Variants in PARD3 observed in about 807,000 individuals in gnomAD.
PARD3 encodes par-3 family cell polarity regulator, also known as partitioning defective 3 homolog.
A neutral mutation model predicts 155.4 loss-of-function variants in PARD3; 75 were observed. The observed-to-expected ratio is 0.48, with a 90% CI of 0.40 to 0.58. The LOEUF (loss-of-function observed/expected upper bound fraction) is 0.58, where lower values mean the gene tolerates loss of function less well. PARD3 is among the 20% of genes least tolerant of loss of function. The probability of loss-of-function intolerance (pLI) is 0.00; values close to 1 mark genes in which losing one functional copy is unlikely to be tolerated. For missense variants in PARD3, 1,642 were observed against 1,721.7 expected (o/e 0.95, Z 0.82); for synonymous variants, 576 against 610.5 (o/e 0.94, Z 0.83).
At chr10:34,203,555 C>A (rs915966184) in intron 22 of PARD3, among the ~76,000 whole-genome samples, 1 of 152,224 alleles carries the variant, frequency 6.6e-6, no homozygotes, top group African/African-American at 2.4e-5. Context: ...TACTTTAAAT[C>A]ATCTCTAGAT....
intron 2 of PARD3, among the ~76,000 whole-genome samples, chr10:34,577,753 G>A (rs1300313218): frequency 6.6e-6 from 1 of 152,120 alleles, no homozygotes; most frequent in Non-Finnish European, 1.5e-5. Flanking sequence ...CACACACGTG[G>A]GTACATAGAT....
intron 7 of PARD3, among the ~76,000 whole-genome samples, chr10:34,387,622 GC>G (rs1382811724): frequency 6.6e-6 from 1 of 152,062 alleles, no homozygotes; most frequent in Non-Finnish European, 1.5e-5. Flanking sequence ...TTACTATGTT[GC>G]CCAGGCTGGT....
chr10:34,234,188 C>T (rs1385811270), intron 22 of PARD3, among the ~76,000 whole-genome samples: 1 of 152,130 alleles, frequency 6.6e-6, no homozygotes, highest in Non-Finnish European at 1.5e-5. Flanking sequence ...GATATAACTA[C>T]TGATACATAA....
intron 1 of PARD3, among the ~76,000 whole-genome samples, chr10:34,812,500 C>T (rs1367530858): frequency 6.6e-6 from 1 of 152,150 alleles, no homozygotes; most frequent in Admixed American, 6.5e-5. Flanking sequence ...TTCCTCATCA[C>T]TTAATATAGA....
chr10:34,785,537 A>G (rs998275178), intron 1 of PARD3, among the ~76,000 whole-genome samples: 1 of 152,016 alleles, frequency 6.6e-6, no homozygotes, highest in African/African-American at 2.4e-5. Flanking sequence ...CTTGAGCCCA[A>G]GAGTTAGAGA....
chr10:34,582,417 A>T (rs983470509), intron 2 of PARD3, among the ~76,000 whole-genome samples: 4 of 152,244 alleles, frequency 2.6e-5, no homozygotes, highest in Non-Finnish European at 5.9e-5. Context: ...ACAGAAACCC[A>T]GTGTTAGGAT....
intron 22 of PARD3, among the ~76,000 whole-genome samples, chr10:34,204,659 T>A (rs1028164524): frequency 6.6e-6 from 1 of 152,190 alleles, no homozygotes; most frequent in Non-Finnish European, 1.5e-5. Context: ...TTCAGATGCA[T>A]CTGCCATACA....
intron 3 of PARD3, among the ~76,000 whole-genome samples, chr10:34,490,799 A>G (rs1217118126): frequency 6.6e-6 from 1 of 152,140 alleles, no homozygotes; most frequent in Non-Finnish European, 1.5e-5. Flanking sequence ...ATACTCTTTG[A>G]GTTATATATG....
At chr10:34,516,084 C>T (rs1020938564) in intron 3 of PARD3, among the ~76,000 whole-genome samples, 2 of 152,104 alleles carry the variant, frequency 1.3e-5, no homozygotes, top group Non-Finnish European at 1.5e-5. Flanking sequence ...CCTGTTTCAG[C>T]CTCCCAAGTA....
At chr10:34,310,118 G>A (rs146834268) in intron 20 of PARD3, among the ~76,000 whole-genome samples, 1 of 152,228 alleles carries the variant, frequency 6.6e-6, no homozygotes, top group Non-Finnish European at 1.5e-5. Flanking sequence ...ATACTAATTT[G>A]TGGCTTGATA....
chr10:34,673,070 C>A (rs1302503714), intron 2 of PARD3, among the ~76,000 whole-genome samples: 1 of 152,100 alleles, frequency 6.6e-6, no homozygotes, highest in Non-Finnish European at 1.5e-5. Context: ...ATTCTTAAAT[C>A]CAACCTTATC....
intron 1 of PARD3, among the ~76,000 whole-genome samples, chr10:34,749,463 A>G (rs1294849842): frequency 6.6e-6 from 1 of 151,602 alleles, no homozygotes; most frequent in African/African-American, 2.4e-5. Flanking sequence ...TGAAGGTTAT[A>G]AAAAATATAT....
At chr10:34,515,186 T>G (rs1328765656) in intron 3 of PARD3, among the ~76,000 whole-genome samples, 3 of 152,214 alleles carry the variant, frequency 2.0e-5, no homozygotes. Context: ...GTGTACCACC[T>G]GCACATCATT....
intron 1 of PARD3, among the ~76,000 whole-genome samples, chr10:34,790,364 A>G (rs1841485428): frequency 6.6e-6 from 1 of 152,232 alleles, no homozygotes; most frequent in Non-Finnish European, 1.5e-5. Context: ...AGGAAAAAAT[A>G]TGCTAAAATT....
intron 9 of PARD3, among the ~76,000 whole-genome samples, chr10:34,381,867 T>G (rs968075070): frequency 4.7e-5 from 6 of 128,416 alleles, no homozygotes; most frequent in African/African-American, 1.8e-4. Flanking sequence ...GAGCTATGAC[T>G]GCACCACTGC....
At chr10:34,384,031 C>A in intron 8 of PARD3, 98 bp downstream of exon 8, 3 of 1,226,870 alleles carry the variant, frequency 2.4e-6, no homozygotes, top group South Asian at 1.4e-5. Context: ...CTCCAGTATA[C>A]AGACTGAGAT....
intron 14 of PARD3, among the ~76,000 whole-genome samples, chr10:34,352,978 G>A (rs1564618905): frequency 7.7e-6 from 1 of 129,138 alleles, no homozygotes; most frequent in Non-Finnish European, 1.9e-5. Context: ...GATGTGAGGA[G>A]TGTCTCTGCC....
At chr10:34,412,699 A>G (rs926644250) in intron 5 of PARD3, among the ~76,000 whole-genome samples, 1 of 152,194 alleles carries the variant, frequency 6.6e-6, no homozygotes, top group African/African-American at 2.4e-5. Flanking sequence ...TTATGTTAGT[A>G]CTTTTGATTT....
intron 1 of PARD3, among the ~76,000 whole-genome samples, chr10:34,716,171 C>T (rs560582658): frequency 3.3e-5 from 5 of 152,326 alleles, no homozygotes; most frequent in African/African-American, 1.2e-4. Flanking sequence ...TTCCTATATT[C>T]CCTTATGAGA....
Sources: allele counts gnomAD v4.1 joint callset (sites outside exome capture counted in the v4.1 genomes callset), GRCh38; gene constraint gnomAD v4.1.1; transcripts MANE v1.5; gene names NCBI Gene and HGNC (gene_info 2026-07-23, HGNC 2026-07-21).